Variants in TNRC6B observed in about 807,000 individuals in gnomAD.
TNRC6B encodes the protein trinucleotide repeat-containing gene 6B protein.
Under a neutral mutation model 203.6 loss-of-function variants are expected in TNRC6B, and 52 were observed. That is an observed-to-expected ratio of 0.26 (90% CI 0.20 to 0.32). The LOEUF is 0.32. Ranked by LOEUF, TNRC6B falls within the 10% of genes least tolerant of loss-of-function variation. The probability of loss-of-function intolerance (pLI) is 1.00; values close to 1 mark genes in which losing one functional copy is unlikely to be tolerated. For synonymous variants in TNRC6B, 838 were observed against 845.7 expected (o/e 0.99, Z 0.16); for missense variants, 1,923 against 2,286.2 (o/e 0.84, Z 3.24).
At chr22:40,294,073 C>CAAAATAAAAA (rs2070905900) in intron 12 of TNRC6B, among the ~76,000 whole-genome samples, 1 of 80,328 alleles carries the variant, frequency 1.2e-5, no homozygotes. Flanking sequence ...CCCATCTCTA[C>CAAAATAAAAA]AAAAAAAAAA....
intron 3 of TNRC6B, among the ~76,000 whole-genome samples, chr22:40,134,321 C>T (rs971186719): frequency 5.9e-5 from 9 of 152,280 alleles, no homozygotes; most frequent in South Asian, 2.1e-4. Flanking sequence ...TCCCTAAAAC[C>T]CATTATCCCA....
chr22:40,253,248 ATT>A (rs747179821), intron 3 of TNRC6B, among the ~76,000 whole-genome samples: 6 of 138,324 alleles, frequency 4.3e-5, no homozygotes, highest in Non-Finnish European at 4.7e-5. Flanking sequence ...TGCCCGGCTA[ATT>A]TTTTTTTTTT....
intron 1 of TNRC6B, among the ~76,000 whole-genome samples, chr22:40,235,992 T>A (rs550816843): frequency 6.6e-6 from 1 of 152,266 alleles, no homozygotes; most frequent in African/African-American, 2.4e-5. Context: ...TTGAGATAAT[T>A]GTAGGTTCAC....
In TNRC6B at chr22:40,280,091, C is replaced by T; in HGVS notation, c.3359C>T (p.Pro1120Leu). ...IMRKDRSGFR[P>L]PNSKDMGTTD... ...AGGAAGGATCGATCTGGGTTCCGTC[C>T]ACCTAATTCCAAAGACATGGGAACC... The change falls in exon 10 of 23, where the codon CCA (proline) becomes CTA (leucine). Residue 1120 changes from proline (P) to leucine (L), a missense_variant. This residue lies in a region of TNRC6B where 599 missense variants were observed against 656.5 expected (regional missense o/e 0.91). Coordinates refer to ENST00000454349, the MANE Select transcript of TNRC6B (RefSeq NM_001162501.2). 1 of 1,613,648 alleles carries T rather than the reference C, an allele frequency of 6.2e-7. No individual in the cohort carries two copies. The highest frequency in any genetic ancestry group is 8.5e-7 in the Non-Finnish European group (1 of 1,179,664).
chr22:40,159,988 AT>A lies in TNRC6B; in HGVS notation c.113+3814del, dbSNP rs955778622. ...CACCGTACCCAGCTAATTAAAAAAAATTTTTTTTGTAGAAATGAGGTCTCAC... is the reference window on the plus strand; with the variant it reads ...CACCGTACCCAGCTAATTAAAAAAAATTTTTTTGTAGAAATGAGGTCTCAC... On this transcript the variant is annotated intron_variant, in intron 4 of 23. Transcript: ENST00000301923. Among the ~76,000 whole-genome samples the A allele has an allele frequency of 7.2e-5, 11 of 152,166 alleles. No individual in the cohort carries two copies. In the South Asian group the frequency reaches 2.1e-3, roughly 29 times the overall value.
At chr22:40,155,370 C>T (rs2068810623) in intron 3 of TNRC6B, among the ~76,000 whole-genome samples, 1 of 152,114 alleles carries the variant, frequency 6.6e-6, no homozygotes, top group Non-Finnish European at 1.5e-5. Flanking sequence ...CTCACTGCCA[C>T]CTCTGCCTCC....
rs1254504087 is a variant in TNRC6B, at chr22:40,325,335, TTA to T, written c.*2096_*2097del. ...GTGTATAGGAAAAGCCTAAAACAAG[TTA>T]TTTGCATTTCAGTGGTTTTGTGAGA... is the stretch of plus-strand genomic sequence containing the variant. On this transcript the variant is annotated 3_prime_UTR_variant, in exon 23 of 23. Transcript: ENST00000454349. 6.6e-6 allele frequency: 1 copy of T among 152,662 alleles called. No individual in the cohort carries two copies. Among genetic ancestry groups the T allele is most frequent in the Non-Finnish European group, 1.5e-5 (1 of 68,044 alleles). The allele number at this position is 152,662 out of a possible 1,614,324, so 9.5% of individuals were successfully genotyped here.
At chr22:40,287,159 A>AC (rs1444750486) in intron 12 of TNRC6B, among the ~76,000 whole-genome samples, 1 of 151,940 alleles carries the variant, frequency 6.6e-6, no homozygotes, top group African/African-American at 2.4e-5. Context: ...ACAGATGCAC[A>AC]CCACCAAGCT....
At chr22:40,249,962 G>A (rs1234049834) in intron 2 of TNRC6B, among the ~76,000 whole-genome samples, 2 of 152,184 alleles carry the variant, frequency 1.3e-5, no homozygotes, top group Non-Finnish European at 2.9e-5. Flanking sequence ...CTTATTTAGA[G>A]TCTGATGGTG....
chr22:40,194,550 C>T (rs1239230958), intron 1 of TNRC6B, among the ~76,000 whole-genome samples: 1 of 152,180 alleles, frequency 6.6e-6, no homozygotes, highest in Non-Finnish European at 1.5e-5. Context: ...TGAACTGTCT[C>T]CTCCCTTTTA....
intron 12 of TNRC6B, among the ~76,000 whole-genome samples, chr22:40,292,239 A>G (rs1158557816): frequency 6.0e-5 from 9 of 149,436 alleles, no homozygotes; most frequent in South Asian, 4.2e-4. Context: ...TGTCGTCCCA[A>G]CTGCTCAGGA....
chr22:40,179,527 G>A (rs1454025209), intron 1 of TNRC6B, among the ~76,000 whole-genome samples: 1 of 152,166 alleles, frequency 6.6e-6, no homozygotes, highest in Non-Finnish European at 1.5e-5. Flanking sequence ...ATATGCAAAT[G>A]GGTTGAATTG....
intron 12 of TNRC6B, among the ~76,000 whole-genome samples, chr22:40,295,201 C>A (rs144382200): frequency 6.6e-6 from 1 of 152,288 alleles, no homozygotes; most frequent in East Asian, 1.9e-4. Context: ...ATGGGCCAAG[C>A]ATGGTGGCTC....
rs575347425 is a variant in TNRC6B, at chr22:40,226,014, AT to A, written c.6-19998del. Among the ~76,000 whole-genome samples the A allele has an allele frequency of 6.9e-4, 105 of 152,328 alleles. 2 individuals carry two copies. In the South Asian group the frequency reaches 0.021, roughly 31 times the overall value. ...ATGCTGTATGTAAATCACTTTTTAG[AT>A]TTGAAGTCATTTTCTCACTGGTGTA... On this transcript the variant is annotated intron_variant, in intron 1 of 22. Coordinates refer to ENST00000454349, the MANE Select transcript of TNRC6B (RefSeq NM_001162501.2).
intron 1 of TNRC6B, among the ~76,000 whole-genome samples, chr22:40,237,474 G>A (rs933820365): frequency 3.3e-5 from 5 of 152,192 alleles, no homozygotes; most frequent in African/African-American, 4.8e-5. Flanking sequence ...AATACTGAGG[G>A]AACTGATGCG....
intron 1 of TNRC6B, among the ~76,000 whole-genome samples, chr22:40,203,440 TC>T (rs2146410575): frequency 6.6e-6 from 1 of 152,202 alleles, no homozygotes; most frequent in South Asian, 2.1e-4. Context: ...TCCAGGTATG[TC>T]ATAAAAATGC....
At chr22:40,080,748 T>G (rs527797660) in intron 1 of TNRC6B, among the ~76,000 whole-genome samples, 1 of 152,278 alleles carries the variant, frequency 6.6e-6, no homozygotes, top group African/African-American at 2.4e-5. Flanking sequence ...ATCTCTTTTG[T>G]GAAGTCTTCT....
intron 2 of TNRC6B, among the ~76,000 whole-genome samples, chr22:40,250,545 TAA>T (rs556681832): frequency 2.4e-4 from 37 of 152,342 alleles, no homozygotes; most frequent in Admixed American, 6.5e-4. Flanking sequence ...CTATTTTATA[TAA>T]GTGTTGATAA....
intron 1 of TNRC6B, among the ~76,000 whole-genome samples, chr22:40,058,380 T>C (rs2067818601): frequency 6.8e-6 from 1 of 147,670 alleles, no homozygotes; most frequent in South Asian, 2.1e-4. Context: ...CTACCTGTCC[T>C]CCAAAACTTG....
Sources: allele counts gnomAD v4.1 joint callset (sites outside exome capture counted in the v4.1 genomes callset), GRCh38; gene constraint gnomAD v4.1.1; regional missense constraint gnomAD v4.1.1; transcripts MANE v1.5; gene names NCBI Gene and HGNC (gene_info 2026-07-23, HGNC 2026-07-21).